ZNF107: variants seen among roughly 807,000 people sequenced by gnomAD.
ZNF107 encodes the protein C2H2 type zinc-finger protein.
ZNF107 carries 19 observed loss-of-function variants against 12.3 expected under a neutral mutation model. The ratio of observed to expected loss-of-function variants is 1.55; its 90% CI spans 1.08 to 2.27. The LOEUF is 2.27. Among genes scored for constraint, ZNF107 ranks in the 30% most tolerant of loss-of-function variants. ZNF107 has a pLI of 0.00. For missense variants in ZNF107, 958 were observed against 979.9 expected (o/e 0.98, Z 0.30); for synonymous variants, 317 against 330.5 (o/e 0.96, Z 0.44).
rs1444822247 is a variant in ZNF107 at position 64,708,562 on chromosome 7, A to C, written c.2465A>C (p.Tyr822Ser). 1.9e-6 allele frequency: 3 copies of C among 1,612,018 alleles called. No homozygotes were observed. The African/African-American group carries it at 4.0e-5, about 22-fold the overall frequency. ...GAGAAACCCTACAAATGTGGAGATT[A>C]TGGCAGAGCTTTCAACCTATCCTCA... ...TGEKPYKCGD[Y>S]GRAFNLSSNL... is the part of the protein sequence containing the mutation. The change falls in exon 4 of 4, where the codon TAT becomes TCT. Residue 822 changes from tyrosine (Y) to serine (S), a missense_variant. Transcript: ENST00000620827.
intron 1 of ZNF107, chr7:64,689,297 G>T: frequency 6.6e-6 from 1 of 152,206 alleles, no homozygotes. Context: ...ACTCTGGTTT[G>T]AGAAAGTACA....
At chr7:64,670,056 G>A (rs1421554972) in intron 1 of ZNF107, among the ~76,000 whole-genome samples, 1 of 152,162 alleles carries the variant, frequency 6.6e-6, no homozygotes, top group Non-Finnish European at 1.5e-5. Context: ...AGCCCTGGAC[G>A]TCGGGGGACC....
At chr7:64,669,070 C>T (rs529794053) in intron 1 of ZNF107, 1 of 122,618 alleles carries the variant, frequency 8.2e-6, no homozygotes, top group Admixed American at 1.2e-4. Flanking sequence ...GGCTGAAGGG[C>T]AGTGGTGCGA....
chr7:64,701,240 A>G (rs1584487951), intron 3 of ZNF107, among the ~76,000 whole-genome samples: 1 of 152,066 alleles, frequency 6.6e-6, no homozygotes, highest in African/African-American at 2.4e-5. Context: ...TATTTTCCCC[A>G]TTCTGATATT....
At chr7:64,700,224 A>G (rs750558217) in intron 3 of ZNF107, among the ~76,000 whole-genome samples, 2 of 152,152 alleles carry the variant, frequency 1.3e-5, no homozygotes, top group Non-Finnish European at 2.9e-5. Flanking sequence ...ACCTGGTGGC[A>G]GGTATTTGGG....
At chr7:64,684,894 C>G (rs184552197) in intron 1 of ZNF107, among the ~76,000 whole-genome samples, 22 of 152,304 alleles carry the variant, frequency 1.4e-4, no homozygotes, top group African/African-American at 4.6e-4. Flanking sequence ...TCAACCCACT[C>G]TCTGTTAAAC....
rs191387612 is a variant in ZNF107, at chr7:64,677,391, C to T, written c.3+11106C>T. On this transcript the variant is annotated intron_variant, in intron 1 of 3. Coordinates refer to ENST00000620827, the MANE Select transcript of ZNF107 (RefSeq NM_001282359.2). ...TTTGCCATGTTGGTCAGGCTGGTCT[C>T]GAACTCATGACCTTAGGTGATCCAC... Among the ~76,000 whole-genome samples the T allele has an allele frequency of 5.3e-5, 8 of 151,464 alleles. No individual in the cohort carries two copies. In the East Asian group the frequency reaches 1.4e-3, roughly 26 times the overall value.
intron 1 of ZNF107, among the ~76,000 whole-genome samples, chr7:64,685,638 G>A (rs948096695): frequency 2.0e-5 from 3 of 152,164 alleles, no homozygotes; most frequent in Non-Finnish European, 4.4e-5. Flanking sequence ...CTTTTCAGCC[G>A]CTCACTGGGG....
chr7:64,707,189 T>C lies in ZNF107; in HGVS notation c.1092T>C (p.Thr364=), dbSNP rs142510880. ...SNLNKQEKIH[T]GGKLNKCEEC... is the part of the protein sequence containing the mutation. ...TTAATAAACAGGAGAAAATTCATAC[T>C]GGAGGGAAACTCAACAAATGTGAAG... Residue 364 remains threonine (T), a synonymous_variant, in exon 4 of 4, where the codon ACT becomes ACC. Transcript: ENST00000620827. The C allele has an allele frequency of 3.3e-4, 527 of 1,613,758 alleles. 2 individuals are homozygous for C. In the African/African-American group the frequency reaches 6.1e-3, roughly 19 times the overall value.
intron 1 of ZNF107, among the ~76,000 whole-genome samples, chr7:64,670,481 ACTTAAGTGAAGTTTGATTAAG>A (rs1465867032): frequency 3.3e-5 from 5 of 152,174 alleles, no homozygotes; most frequent in Non-Finnish European, 7.3e-5. Context: ...AAGGAGATAA[ACTTAAGTGAAGTTTGATTAAG>A]AAGAACTTTC....
At chr7:64,701,693 C>T (rs533671440) in intron 3 of ZNF107, among the ~76,000 whole-genome samples, 9 of 152,106 alleles carry the variant, frequency 5.9e-5, no homozygotes, top group African/African-American at 1.9e-4. Flanking sequence ...AATCACAACT[C>T]GCTGCAGCCT....
chr7:64,703,778 A>G (rs181055338), intron 3 of ZNF107, among the ~76,000 whole-genome samples: 44 of 152,154 alleles, frequency 2.9e-4, no homozygotes, highest in Admixed American at 1.0e-3. Context: ...TGAATTATAT[A>G]TATATTTAAA....
Position 64,709,290 on chromosome 7 carries a change from C to G in ZNF107, c.*634C>G. 2.9e-6 allele frequency: 1 copy of G among 343,708 alleles called. No individual in the cohort carries two copies. The highest frequency in any genetic ancestry group is 2.5e-5 in the South Asian group (1 of 39,932). 21.3% of individuals were successfully genotyped at this position (343,708 alleles called of 1,614,324 possible). A position where few individuals can be genotyped will look rare whatever the true frequency, so the allele number is the denominator to read the frequency against. Reference sequence around the variant, plus strand: ...AAGAGTATTTATACTGGAAAGAAACCCTACAAATGTAAAAAACGTGGCAAT... The same window carrying G: ...AAGAGTATTTATACTGGAAAGAAACGCTACAAATGTAAAAAACGTGGCAAT... On this transcript the variant is annotated 3_prime_UTR_variant, in exon 4 of 4. Transcript: ENST00000620827.
chr7:64,710,489 C>A lies in ZNF107; in HGVS notation c.*1833C>A, dbSNP rs1790848631. The A allele has an allele frequency of 6.6e-6, 1 of 152,200 alleles. No individual in the cohort carries two copies. The highest frequency in any genetic ancestry group is 1.9e-4 in the East Asian group (1 of 5,182). 9.4% of individuals were successfully genotyped at this position (152,200 alleles called of 1,614,324 possible). A position where few individuals can be genotyped will look rare whatever the true frequency, so the allele number is the denominator to read the frequency against. On this transcript the variant is annotated 3_prime_UTR_variant, in exon 4 of 4. Transcript: ENST00000620827. ...AGAAATATCTAAGGTACTGACACTT[C>A]AGACATTGCTGAGTATAGAATCAGA...
intron 1 of ZNF107, among the ~76,000 whole-genome samples, chr7:64,678,479 C>A (rs781539218): frequency 1.3e-5 from 2 of 152,166 alleles, no homozygotes; most frequent in Non-Finnish European, 2.9e-5. Context: ...CATTTGTAGA[C>A]AAACTGCATT....
chr7:64,687,292 A>G (rs1469571908), intron 1 of ZNF107: 1 of 985,564 alleles, frequency 1.0e-6, no homozygotes, highest in African/African-American at 1.7e-5. Flanking sequence ...AGTGATTTCC[A>G]TGTCACCATT....
At chr7:64,695,557 G>T (rs1020433127) in intron 3 of ZNF107, among the ~76,000 whole-genome samples, 2 of 152,058 alleles carry the variant, frequency 1.3e-5, no homozygotes, top group African/African-American at 2.4e-5. Flanking sequence ...TAGATAATTT[G>T]CAATTCTGTT....
rs547889558 is a variant in ZNF107 at position 64,671,569 on chromosome 7, C to T, written c.3+5284C>T. Among the ~76,000 whole-genome samples the T allele has an allele frequency of 1.6e-3, 242 of 152,304 alleles. 1 individual carries two copies. Among genetic ancestry groups the T allele is most frequent in the African/African-American group, 5.2e-3 (215 of 41,568 alleles). ...TCAGAGGACAGCCCCATCTGGGCCA[C>T]TATCTGTAGCACAGACCATTCCTCC... is the stretch of plus-strand genomic sequence containing the variant. On this transcript the variant is annotated intron_variant, in intron 1 of 3. Coordinates refer to ENST00000620827, the MANE Select transcript of ZNF107 (RefSeq NM_001282359.2).
At chr7:64,681,974 C>T (rs964817820) in intron 1 of ZNF107, among the ~76,000 whole-genome samples, 5 of 152,052 alleles carry the variant, frequency 3.3e-5, no homozygotes, top group East Asian at 1.9e-4. Context: ...CCTGGACTGA[C>T]GCTGACACCC....
Sources: allele counts gnomAD v4.1 joint callset (sites outside exome capture counted in the v4.1 genomes callset), GRCh38; gene constraint gnomAD v4.1.1; transcripts MANE v1.5; gene names NCBI Gene and HGNC (gene_info 2026-07-23, HGNC 2026-07-21).